The following RPL31 variants were observed in gnomAD, a reference collection of about 807,000 sequenced individuals.
RPL31 encodes the protein ribosomal protein L31.
For missense variants in RPL31, 95 were observed against 164.0 expected, an observed-to-expected ratio of 0.58 and a Z score of 2.30; for synonymous variants, 51 against 55.0, an observed-to-expected ratio of 0.93 and a Z score of 0.32.
Position 101,006,596 on chromosome 2 carries a change from G to A in RPL31, c.*215G>A, listed in dbSNP as rs750987589. The stretch of plus-strand genomic sequence containing the variant: ...AGTTTTAGAACCACTGTTCTGGGTA[G>A]TTGGGATACTGAAGGCATATTGTTA... On this transcript the variant is annotated 3_prime_UTR_variant, in exon 5 of 5. Transcript: ENST00000264258. 48 of 462,748 alleles carry A rather than the reference G, an allele frequency of 1.0e-4. No homozygotes were observed. The highest frequency in any genetic ancestry group is 2.0e-4 in the South Asian group (4 of 20,102). The allele number at this position is 462,748 out of a possible 1,614,324, so 28.7% of individuals were successfully genotyped here. A position where few individuals can be genotyped will look rare whatever the true frequency, so the allele number is the denominator to read the frequency against.
exon 5 of RPL31, chr2:101,019,136 G>A (rs1478880431): frequency 5.3e-6 from 8 of 1,506,324 alleles, no homozygotes; most frequent in Non-Finnish European, 5.4e-6. Context: ...CACCGAGGAC[G>A]TCTGTCTCCC....
chr2:101,014,753 T>C (rs1679489027), intron 4 of RPL31, among the ~76,000 whole-genome samples: 1 of 152,212 alleles, frequency 6.6e-6, no homozygotes. Context: ...TACAGAGTTA[T>C]CTTCAGTATT....
downstream of RPL31, chr2:101,011,456 G>T (rs751146917): frequency 6.3e-5 from 102 of 1,613,754 alleles, 1 homozygote; most frequent in Non-Finnish European, 8.1e-5. Flanking sequence ...CGTGCCATTG[G>T]GTTTCCCGAA....
rs187689016 is a variant in RPL31 at position 101,016,928 on chromosome 2, G to A, written c.347-2070G>A. Among the ~76,000 whole-genome samples the A allele has an allele frequency of 1.3e-3, 203 of 151,032 alleles. 3 individuals carry two copies. The highest frequency in any genetic ancestry group is 4.5e-3 in the African/African-American group (183 of 41,098). ...ATCACACTCTGGGGACTGGTGTGGG[G>A]TTGGGGGGATGGGGGAGGGATAGCA... is the stretch of plus-strand genomic sequence containing the variant. On this transcript the variant is annotated intron_variant, in intron 4 of 4. Transcript: ENST00000409028.
chr2:101,009,556 G>A (rs1679032398), downstream of RPL31, among the ~76,000 whole-genome samples: 1 of 151,984 alleles, frequency 6.6e-6, no homozygotes, highest in African/African-American at 2.4e-5. Context: ...AAAAGGTTAT[G>A]TGTATCAGAA....
downstream of RPL31, chr2:101,011,123 A>G: frequency 1.7e-6 from 2 of 1,174,448 alleles, no homozygotes; most frequent in Admixed American, 2.1e-5. Flanking sequence ...GGGGTGAGGA[A>G]TTCCACTAAG....
At chr2:101,010,782 T>C (rs1679144394), downstream of RPL31, 5 of 616,370 alleles carry the variant, frequency 8.1e-6, no homozygotes, top group Non-Finnish European at 1.4e-5. Context: ...CTCAGGAGGC[T>C]GAGGCAGGAG....
chr2:101,007,991 G>T (rs1269831697), downstream of RPL31: 2 of 1,614,022 alleles, frequency 1.2e-6, no homozygotes, highest in South Asian at 1.1e-5. Flanking sequence ...ATATGTTCAA[G>T]GGAGACAGTC....
downstream of RPL31, among the ~76,000 whole-genome samples, chr2:101,008,552 C>T (rs550051527): frequency 1.2e-4 from 19 of 152,250 alleles, no homozygotes; most frequent in Admixed American, 6.5e-4. Context: ...CAGTGGCTCC[C>T]GCCTGTAATC....
chr2:101,009,965 G>A (rs1679075096), downstream of RPL31, among the ~76,000 whole-genome samples: 1 of 151,870 alleles, frequency 6.6e-6, no homozygotes, highest in Non-Finnish European at 1.5e-5. Flanking sequence ...GGGACTACAG[G>A]CGCCCGCCAC....
downstream of RPL31, chr2:101,008,369 G>GTAT (rs1432326892): frequency 1.2e-5 from 12 of 992,290 alleles, no homozygotes; most frequent in Middle Eastern, 2.4e-4. Context: ...AAACGACACA[G>GTAT]TATTTTTGAA....
chr2:101,013,238 G>A (rs1424779271), intron 4 of RPL31, among the ~76,000 whole-genome samples: 1 of 152,140 alleles, frequency 6.6e-6, no homozygotes, highest in African/African-American at 2.4e-5. Context: ...ACGTCACCTG[G>A]ACATGGAACT....
At chr2:101,019,132 G>T in exon 5 of RPL31, 1 of 1,519,512 alleles carries the variant, frequency 6.6e-7, no homozygotes. Flanking sequence ...AGCTCACCGA[G>T]GACGTCTGTC....
At chr2:101,008,156 C>T, downstream of RPL31, 1 of 1,613,862 alleles carries the variant, frequency 6.2e-7, no homozygotes, top group Non-Finnish European at 8.5e-7. Flanking sequence ...CGCTGCCCCA[C>T]CTCCCCGATC....
At chr2:101,003,113 T>C (rs934284140) in intron 2 of RPL31, among the ~76,000 whole-genome samples, 1 of 152,216 alleles carries the variant, frequency 6.6e-6, no homozygotes, top group Non-Finnish European at 1.5e-5. Flanking sequence ...CCATCGGCCT[T>C]CTATCTTAGG....
Position 101,014,236 on chromosome 2 carries a change from ATATTTTTCAAAATCT to A in RPL31, c.347-4760_347-4746del, listed in dbSNP as rs1446390662. ...AAGGAAGTTTATATTCTATGTTTCC[ATATTTTTCAAAATCT>A]TCTGTGGCATTTTAACTCAGGATCC... On this transcript the variant is annotated intron_variant, in intron 4 of 4. Coordinates refer to the RPL31 transcript ENST00000409028. Among the ~76,000 whole-genome samples, 23 of 152,032 alleles carry A rather than the reference ATATTTTTCAAAATCT, an allele frequency of 1.5e-4. 1 individual carries two copies. The highest frequency in any genetic ancestry group is 1.1e-3 in the Admixed American group (17 of 15,262).
chr2:101,002,668 C>CT, intron 1 of RPL31, 34 bp from the exon 2 acceptor site: 1 of 1,553,672 alleles, frequency 6.4e-7, no homozygotes, highest in Non-Finnish European at 8.9e-7. Flanking sequence ...GCTTGTTAAA[C>CT]TCTGCTCTGA....
At position 101,006,503 on chromosome 2, in the gene RPL31, C is replaced by CA; in HGVS notation, c.*125dup. ...ATGGGATCATTTGAAGAGCTTTTCCCAAATTGATGGCCTGTGCTGCCTTCT... is the reference window on the plus strand; with the variant it reads ...ATGGGATCATTTGAAGAGCTTTTCCCAAAATTGATGGCCTGTGCTGCCTTCT... On this transcript the variant is annotated 3_prime_UTR_variant, in exon 5 of 5. Coordinates refer to ENST00000264258, the MANE Select transcript of RPL31 (RefSeq NM_000993.5). 1.0e-6 allele frequency: 1 copy of CA among 961,360 alleles called. No individual in the cohort carries two copies. Among genetic ancestry groups the CA allele is most frequent in the Non-Finnish European group, 1.5e-6 (1 of 663,584 alleles). 59.6% of individuals were successfully genotyped at this position (961,360 alleles called of 1,614,324 possible).
intron 4 of RPL31, among the ~76,000 whole-genome samples, chr2:101,017,384 T>G (rs1679733088): frequency 6.6e-6 from 1 of 152,210 alleles, no homozygotes; most frequent in Admixed American, 6.5e-5. Flanking sequence ...TACATGTAAT[T>G]TTATATGCTA....
Sources: gnomAD v4.1 joint callset for allele counts (sites outside exome capture counted in the v4.1 genomes callset) on GRCh38, gnomAD v4.1.1 for gene constraint, MANE v1.5 for transcripts, NCBI Gene and HGNC (gene_info 2026-07-23, HGNC 2026-07-21) for gene names.